Variants in MARCHF1 observed in about 807,000 individuals in gnomAD.
The protein encoded by MARCHF1 is E3 ubiquitin-protein ligase MARCHF1.
Under a neutral mutation model 54.2 loss-of-function variants are expected in MARCHF1, and 40 were observed. The ratio of observed to expected loss-of-function variants is 0.74; its 90% CI spans 0.57 to 0.96. MARCHF1 has a LOEUF of 0.96. Ranked by LOEUF, MARCHF1 falls within the 40% of genes least tolerant of loss-of-function variation. The probability of loss-of-function intolerance (pLI) is 0.00; values close to 1 mark genes in which losing one functional copy is unlikely to be tolerated. For missense variants in MARCHF1, 586 were observed against 656.5 expected (o/e 0.89, Z 1.17); for synonymous variants, 236 against 236.3 (o/e 1.00, Z 0.01).
intron 5 of MARCHF1, among the ~76,000 whole-genome samples, chr4:163,625,790 A>G (rs901797407): frequency 2.0e-5 from 3 of 152,236 alleles, no homozygotes; most frequent in African/African-American, 7.2e-5. Context: ...AGGAAATACC[A>G]TAATTTTATT....
intron 1 of MARCHF1, among the ~76,000 whole-genome samples, chr4:164,164,687 A>G (rs1411813414): frequency 1.3e-5 from 2 of 152,034 alleles, no homozygotes; most frequent in African/African-American, 4.8e-5. Context: ...TAGTGTTTCA[A>G]TGACTCTTTA....
At chr4:163,956,455 T>C (rs1361016715) in intron 3 of MARCHF1, among the ~76,000 whole-genome samples, 1 of 152,070 alleles carries the variant, frequency 6.6e-6, no homozygotes, top group East Asian at 1.9e-4. Flanking sequence ...ATATCACAAT[T>C]TCAGTGAGGG....
chr4:164,173,213 C>A (rs559869939), intron 1 of MARCHF1, among the ~76,000 whole-genome samples: 43 of 152,194 alleles, frequency 2.8e-4, no homozygotes, highest in Non-Finnish European at 5.7e-4. Context: ...ATAATTTATT[C>A]TTGAAGTCTA....
At chr4:163,929,051 G>A (rs1185206402) in intron 3 of MARCHF1, among the ~76,000 whole-genome samples, 7 of 151,784 alleles carry the variant, frequency 4.6e-5, no homozygotes, top group African/African-American at 1.7e-4. Context: ...TTTAAAATAG[G>A]CACAAATAAT....
intron 4 of MARCHF1, among the ~76,000 whole-genome samples, chr4:163,722,459 C>T (rs960772885): frequency 6.6e-6 from 1 of 152,132 alleles, no homozygotes; most frequent in African/African-American, 2.4e-5. Context: ...ACTATGTGGT[C>T]AATTTTGGAA....
chr4:164,068,697 T>C (rs1475944411), intron 2 of MARCHF1, among the ~76,000 whole-genome samples: 2 of 152,102 alleles, frequency 1.3e-5, no homozygotes, highest in African/African-American at 4.8e-5. Flanking sequence ...CCCTGCTCCA[T>C]GGCCCCCAGT....
chr4:163,890,519 T>A (rs1231686851), intron 3 of MARCHF1, among the ~76,000 whole-genome samples: 1 of 152,120 alleles, frequency 6.6e-6, no homozygotes. Context: ...AATAACTTGA[T>A]CAATCTATGC....
At chr4:163,791,980 C>G (rs978914441) in intron 4 of MARCHF1, among the ~76,000 whole-genome samples, 2 of 152,090 alleles carry the variant, frequency 1.3e-5, no homozygotes, top group Non-Finnish European at 2.9e-5. Flanking sequence ...TTTCTGAGAC[C>G]GTTTCTTGCT....
At chr4:164,135,308 T>C (rs1286159792) in intron 1 of MARCHF1, 1 of 152,242 alleles carries the variant, frequency 6.6e-6, no homozygotes, top group East Asian at 1.9e-4. Flanking sequence ...AATAATTCAG[T>C]GAAGGATCTG....
chr4:164,137,047 T>C (rs1223344498), intron 1 of MARCHF1, among the ~76,000 whole-genome samples: 2 of 152,080 alleles, frequency 1.3e-5, no homozygotes, highest in Non-Finnish European at 2.9e-5. Flanking sequence ...AAACGAATTG[T>C]CTAAACAATT....
chr4:164,254,336 A>G (rs1244957198), intron 1 of MARCHF1, among the ~76,000 whole-genome samples: 4 of 150,046 alleles, frequency 2.7e-5, no homozygotes, highest in Non-Finnish European at 4.4e-5. Context: ...TATCCTATAT[A>G]TAGAGGATAT....
Position 164,092,196 on chromosome 4 carries a change from G to A in MARCHF1, c.-248+19392C>T, listed in dbSNP as rs563102263. Among the ~76,000 whole-genome samples the A allele has an allele frequency of 5.9e-5, 9 of 152,230 alleles. No homozygotes were observed. In the South Asian group the frequency reaches 1.9e-3, roughly 32 times the overall value. ...ACAGCCAGCCACTGGGCACCAGGCT[G>A]TTTACCTTAAGTCCCTTCCATCATG... On this transcript the variant is annotated intron_variant, in intron 2 of 9. Transcript: ENST00000514618.
intron 4 of MARCHF1, among the ~76,000 whole-genome samples, chr4:163,717,151 C>A (rs1167805805): frequency 1.7e-5 from 2 of 116,488 alleles, no homozygotes; most frequent in African/African-American, 6.4e-5. Flanking sequence ...CCCCCCTCCC[C>A]CCACCCCATA....
rs1346584018 is a variant in MARCHF1, at chr4:164,352,950, G to T, written c.-323+30920C>A. ...AGCAAATGGAAAACAAAAAAAGGCA[G>T]GGGTTGCAATCCTAGTCTCTGATAA... is the stretch of plus-strand genomic sequence containing the variant. On this transcript the variant is annotated intron_variant, in intron 1 of 9. Coordinates refer to ENST00000514618, the MANE Select transcript of MARCHF1 (RefSeq NM_001394959.1). Among the ~76,000 whole-genome samples the T allele has an allele frequency of 3.7e-5, 2 of 54,336 alleles. 1 individual carries two copies. Among genetic ancestry groups the T allele is most frequent in the Non-Finnish European group, 8.6e-5 (2 of 23,338 alleles). 35.6% of individuals were successfully genotyped at this position (54,336 alleles called of 152,430 possible). A position where few individuals can be genotyped will look rare whatever the true frequency, so the allele number is the denominator to read the frequency against.
At chr4:164,041,772 C>A (rs567478500) in intron 2 of MARCHF1, among the ~76,000 whole-genome samples, 1 of 152,062 alleles carries the variant, frequency 6.6e-6, no homozygotes, top group Non-Finnish European at 1.5e-5. Flanking sequence ...TTGCAGAAAC[C>A]CTCCTTATGA....
intron 4 of MARCHF1, among the ~76,000 whole-genome samples, chr4:163,799,927 C>A (rs966274987): frequency 1.3e-5 from 2 of 152,064 alleles, no homozygotes; most frequent in Admixed American, 6.6e-5. Context: ...AAATGTGATA[C>A]ATAGATACCA....
chr4:163,816,557 A>G (rs1748538957), intron 4 of MARCHF1, among the ~76,000 whole-genome samples: 1 of 152,020 alleles, frequency 6.6e-6, no homozygotes, highest in South Asian at 2.1e-4. Context: ...ATTTTTACAA[A>G]TATTTATTGG....
chr4:164,019,887 C>T (rs1302804488), intron 2 of MARCHF1, among the ~76,000 whole-genome samples: 4 of 152,126 alleles, frequency 2.6e-5, no homozygotes, highest in Non-Finnish European at 5.9e-5. Context: ...AGTGAAATGT[C>T]CAACTTGACA....
intron 1 of MARCHF1, among the ~76,000 whole-genome samples, chr4:164,169,863 A>G (rs1400064415): frequency 6.6e-6 from 1 of 152,104 alleles, no homozygotes; most frequent in Non-Finnish European, 1.5e-5. Flanking sequence ...TATCATCTTC[A>G]GCCAGAAAAC....
Sources: gnomAD v4.1 joint callset for allele counts (sites outside exome capture counted in the v4.1 genomes callset) on GRCh38, gnomAD v4.1.1 for gene constraint, MANE v1.5 for transcripts, NCBI Gene and HGNC (gene_info 2026-07-23, HGNC 2026-07-21) for gene names.